The following ASNS variants were observed in gnomAD, a reference collection of about 807,000 sequenced individuals.
The protein encoded by ASNS is asparagine synthetase [glutamine-hydrolyzing].
ASNS carries 37 observed loss-of-function variants against 62.6 expected under a neutral mutation model. That is an observed-to-expected ratio of 0.59 (90% CI 0.45 to 0.78). The LOEUF is 0.78. ASNS is among the 30% of genes least tolerant of loss of function. The pLI is 0.00. For missense variants in ASNS, 520 were observed against 682.4 expected, an observed-to-expected ratio of 0.76 and a Z score of 2.65; for synonymous variants, 207 against 237.9, an observed-to-expected ratio of 0.87 and a Z score of 1.19.
At chr7:97,905,075 C>T in the ASNS span, among the ~76,000 whole-genome samples, 7 of 152,172 alleles carry the variant, frequency 4.6e-5, no homozygotes, top group Non-Finnish European at 1.0e-4. Context: ...AACAGTGGCT[C>T]TTTATAGCTT....
At chr7:97,865,899 C>T (rs1034914175) in intron 3 of ASNS, among the ~76,000 whole-genome samples, 4 of 152,222 alleles carry the variant, frequency 2.6e-5, no homozygotes, top group South Asian at 2.1e-4. Context: ...GCAGCTGAAG[C>T]GGGCTGAGAG....
upstream of ASNS, among the ~76,000 whole-genome samples, chr7:97,877,500 AG>A (rs1792466563): frequency 6.6e-6 from 1 of 152,232 alleles, no homozygotes; most frequent in Admixed American, 6.5e-5. Context: ...GGGTCTGGGC[AG>A]GGTTTAACTG....
At chr7:97,921,479 G>C in the ASNS span, among the ~76,000 whole-genome samples, 1 of 152,294 alleles carries the variant, frequency 6.6e-6, no homozygotes, top group East Asian at 1.9e-4. Context: ...GCTGGTTGTG[G>C]CGTGTGGGCT....
chr7:97,870,665 T>C (rs1205153266), intron 1 of ASNS, among the ~76,000 whole-genome samples: 1 of 152,216 alleles, frequency 6.6e-6, no homozygotes, highest in Non-Finnish European at 1.5e-5. Context: ...AAAAATTCCA[T>C]AAGATTTAAA....
the ASNS span, among the ~76,000 whole-genome samples, chr7:97,925,626 A>G: frequency 6.6e-6 from 1 of 152,188 alleles, no homozygotes; most frequent in African/African-American, 2.4e-5. Flanking sequence ...CTCAGCAAGA[A>G]GGGAAAATAC....
the ASNS span, among the ~76,000 whole-genome samples, chr7:97,890,205 C>T: frequency 1.3e-5 from 2 of 152,032 alleles, no homozygotes; most frequent in South Asian, 4.2e-4. Flanking sequence ...ATATGGGACA[C>T]ATATGTCACC....
intron 10 of ASNS, 66 bp downstream of exon 10, chr7:97,854,514 T>TTTTTG (rs373755933): frequency 6.4e-7 from 1 of 1,574,794 alleles, no homozygotes; most frequent in Non-Finnish European, 8.6e-7. Flanking sequence ...GGTATTGAGC[T>TTTTTG]TTTTGTTTTG....
Position 97,859,232 on chromosome 7 carries a change from A to T in ASNS, c.654T>A (p.Asn218Lys). Residue 218 changes from asparagine to lysine, a missense_variant, in exon 5 of 13, where the codon AAT becomes AAA. Transcript: ENST00000394308. ...RDVPLHALYDNVEKLFPGFEI... is the reference protein window; with the variant it reads ...RDVPLHALYDKVEKLFPGFEI... ...TGCTACCTGGAAAGAGTTTCTCCAC[A>T]TTGTCATAGAGGGCGTGCAGGGGTA... is the stretch of plus-strand genomic sequence containing the variant. The T allele has an allele frequency of 1.2e-6, 2 of 1,607,838 alleles. No homozygotes were observed. The highest frequency in any genetic ancestry group is 1.7e-6 in the Non-Finnish European group (2 of 1,176,180).
the ASNS span, among the ~76,000 whole-genome samples, chr7:97,878,711 A>C: frequency 6.6e-6 from 1 of 152,228 alleles, no homozygotes; most frequent in Non-Finnish European, 1.5e-5. Flanking sequence ...GAAAATGGCC[A>C]TACTGCCCAA....
chr7:97,890,392 G>C, the ASNS span, among the ~76,000 whole-genome samples: 1 of 152,098 alleles, frequency 6.6e-6, no homozygotes, highest in East Asian at 1.9e-4. Context: ...TTGTAAAATT[G>C]TCAAAAGACA....
chr7:97,868,846 C>T, intron 3 of ASNS, 62 bp downstream of exon 3: 5 of 1,591,498 alleles, frequency 3.1e-6, no homozygotes, highest in Non-Finnish European at 4.3e-6. Context: ...TATGTAACAT[C>T]ATCGTAACCA....
In ASNS at chr7:97,851,910, C is replaced by T. The variant is rs1205060773; in HGVS notation, c.*349G>A. The T allele has an allele frequency of 1.1e-5, 3 of 272,248 alleles. No individual in the cohort carries two copies. Among genetic ancestry groups the T allele is most frequent in the East Asian group, 8.7e-5 (1 of 11,530 alleles). The allele number at this position is 272,248 out of a possible 1,614,324, so 16.9% of individuals were successfully genotyped here. ...CAAAAATAGTGTAGTCCTTTGATGACGTCCCTAAGATGAGGCAAGGACTGG... is the reference window on the plus strand; with the variant it reads ...CAAAAATAGTGTAGTCCTTTGATGATGTCCCTAAGATGAGGCAAGGACTGG... On this transcript the variant is annotated 3_prime_UTR_variant, in exon 13 of 13. Coordinates refer to ENST00000394308, the MANE Select transcript of ASNS (RefSeq NM_001673.5).
At chr7:97,867,030 A>G (rs1398715496) in intron 3 of ASNS, among the ~76,000 whole-genome samples, 1 of 150,278 alleles carries the variant, frequency 6.7e-6, no homozygotes, top group African/African-American at 2.4e-5. Flanking sequence ...AAAAAGGAGA[A>G]GGGTCCTTTG....
At chr7:97,889,458 G>A in the ASNS span, among the ~76,000 whole-genome samples, 12 of 151,750 alleles carry the variant, frequency 7.9e-5, no homozygotes, top group African/African-American at 2.7e-4. Context: ...CAGAGGTTGC[G>A]GTGAGCTGAG....
intron 7 of ASNS, among the ~76,000 whole-genome samples, chr7:97,857,652 G>GT (rs1791516394): frequency 1.4e-5 from 2 of 145,074 alleles, no homozygotes; most frequent in Admixed American, 6.9e-5. Context: ...CAAAAAACCC[G>GT]TTTTTTTAAT....
At chr7:97,908,445 A>AC in the ASNS span, 2 of 152,156 alleles carry the variant, frequency 1.3e-5, no homozygotes, top group Non-Finnish European at 2.9e-5. Context: ...ATCGTCACCC[A>AC]CATTGGAGTG....
intron 1 of ASNS, chr7:97,870,127 T>A: frequency 1.9e-6 from 1 of 521,440 alleles, no homozygotes; most frequent in Admixed American, 4.5e-5. Flanking sequence ...AAAGGGCTGT[T>A]TTATTTGGCT....
chr7:97,923,111 T>C, the ASNS span, among the ~76,000 whole-genome samples: 1 of 152,102 alleles, frequency 6.6e-6, no homozygotes, highest in Non-Finnish European at 1.5e-5. Context: ...GATTGTTTAA[T>C]TCAACTAAAA....
the ASNS span, among the ~76,000 whole-genome samples, chr7:97,891,765 T>C: frequency 1.3e-5 from 2 of 152,214 alleles, no homozygotes; most frequent in South Asian, 2.1e-4. Context: ...TGGGCTCCCA[T>C]GGCCTTGGGA....
Sources: allele counts gnomAD v4.1 joint callset (sites outside exome capture counted in the v4.1 genomes callset), GRCh38; gene constraint gnomAD v4.1.1; transcripts MANE v1.5; gene names NCBI Gene and HGNC (gene_info 2026-07-23, HGNC 2026-07-21).